The following TMEM245 variants were observed in gnomAD, a reference collection of about 807,000 sequenced individuals.
TMEM245 encodes protein CG-2.
A neutral mutation model predicts 101.2 loss-of-function variants in TMEM245; 69 were observed. The observed-to-expected ratio is 0.68, with a 90% CI of 0.56 to 0.83. The LOEUF (loss-of-function observed/expected upper bound fraction) is 0.83. Among genes scored for constraint, TMEM245 ranks in the 40% least tolerant of loss-of-function variants. TMEM245 has a pLI of 0.00. For synonymous variants in TMEM245, 537 were observed against 449.8 expected (o/e 1.19, Z -2.45); for missense variants, 1,075 against 1,092.8 (o/e 0.98, Z 0.23).
At chr9:109,051,295 AAC>A (rs67093439) in intron 12 of TMEM245, among the ~76,000 whole-genome samples, 37,214 of 134,928 alleles carry the variant, frequency 0.28, 5,307 homozygotes, top group Admixed American at 0.34. Context: ...TCTGTCTCAA[AAC>A]ACACACACAC....
At chr9:109,093,330 A>G in intron 4 of TMEM245, 145 bp downstream of exon 4, 1 of 649,916 alleles carries the variant, frequency 1.5e-6, no homozygotes, top group Non-Finnish European at 2.7e-6. Flanking sequence ...GAGAGGGAAA[A>G]GGGCATAAAA....
intron 12 of TMEM245, 75 bp downstream of exon 12, chr9:109,057,116 G>T: frequency 6.6e-7 from 1 of 1,519,490 alleles, no homozygotes; most frequent in Non-Finnish European, 9.0e-7. Flanking sequence ...AGGCCTCAAA[G>T]TGTATGAAGA....
chr9:109,043,959 A>G (rs1828396152), intron 14 of TMEM245, among the ~76,000 whole-genome samples: 1 of 152,092 alleles, frequency 6.6e-6, no homozygotes, highest in African/African-American at 2.4e-5. Flanking sequence ...AATAAAGCCT[A>G]CTGTATATTT....
At chr9:109,080,818 A>G (rs1343093998) in intron 8 of TMEM245, 21 bp downstream of exon 8, 4 of 1,392,584 alleles carry the variant, frequency 2.9e-6, no homozygotes, top group Non-Finnish European at 4.0e-6. Flanking sequence ...ATTAATGAGA[A>G]TAATAATCAC....
chr9:109,030,951 A>G (rs775809460), intron 17 of TMEM245, among the ~76,000 whole-genome samples: 16 of 152,246 alleles, frequency 1.1e-4, no homozygotes, highest in Non-Finnish European at 2.2e-4. Flanking sequence ...TTTTCATTAA[A>G]TGCATTGTCA....
intron 14 of TMEM245, among the ~76,000 whole-genome samples, chr9:109,047,222 T>C (rs915874571): frequency 6.6e-6 from 1 of 152,194 alleles, no homozygotes; most frequent in Non-Finnish European, 1.5e-5. Context: ...ATAAAACAAA[T>C]GGTTTTTAAA....
chr9:109,066,774 G>C lies in TMEM245; in HGVS notation c.1533-2207C>G, dbSNP rs1337664595. On this transcript the variant is annotated intron_variant, in intron 9 of 17. Coordinates refer to ENST00000374586, the MANE Select transcript of TMEM245 (RefSeq NM_032012.4). ...AGTGTTATTCAAAAGTGTGAAGATG[G>C]GCAGGGCATGGTGGCTCACGCCTGT... 2.2e-4 allele frequency among the ~76,000 whole-genome samples: 33 copies of C among 151,644 alleles called. 1 individual carries two copies. The highest frequency in any genetic ancestry group is 2.2e-3 in the Admixed American group (33 of 15,234).
At chr9:109,099,286 G>T (rs895800894) in intron 3 of TMEM245, among the ~76,000 whole-genome samples, 1 of 152,170 alleles carries the variant, frequency 6.6e-6, no homozygotes, top group Admixed American at 6.5e-5. Context: ...GGGACTGGGA[G>T]GGGAGCAGTA....
At position 109,060,441 on chromosome 9, in the gene TMEM245, A is replaced by G. The variant is rs1344988657; in HGVS notation, c.1635T>C (p.Ile545=). The G allele has an allele frequency of 6.2e-7, 1 of 1,611,564 alleles. No individual in the cohort carries two copies. Among genetic ancestry groups the G allele is most frequent in the Admixed American group, 1.7e-5 (1 of 59,682 alleles). ...REWITHKLHK[I]LGDKVNNTAV... ...CAGTATTGTTCACCTTATCTCCTAG[A>G]ATTTTATGGAGCTAGAAAAAAACAC... The change falls in exon 11 of 18, where the codon ATT becomes ATC. Residue 545 remains isoleucine (I), a synonymous_variant. Coordinates refer to ENST00000374586, the MANE Select transcript of TMEM245 (RefSeq NM_032012.4).
chr9:109,099,407 T>C (rs1005319012), intron 3 of TMEM245, among the ~76,000 whole-genome samples: 14 of 152,212 alleles, frequency 9.2e-5, no homozygotes, highest in Non-Finnish European at 1.8e-4. Flanking sequence ...GATTCATCTC[T>C]GCAAAGACAT....
At chr9:109,032,048 TAC>T (rs1416370341) in intron 17 of TMEM245, among the ~76,000 whole-genome samples, 9 of 152,304 alleles carry the variant, frequency 5.9e-5, no homozygotes, top group Middle Eastern at 6.8e-3. Flanking sequence ...AACATTTTGC[TAC>T]AGTCACTTCC....
chr9:109,058,709 C>T (rs1055465786), intron 11 of TMEM245, among the ~76,000 whole-genome samples: 7 of 151,972 alleles, frequency 4.6e-5, no homozygotes, highest in Non-Finnish European at 7.4e-5. Flanking sequence ...AATTCCTGAG[C>T]TTCAGTGATC....
At chr9:109,056,440 CAAAAAAAA>C (rs753175633) in intron 12 of TMEM245, among the ~76,000 whole-genome samples, 4 of 36,768 alleles carry the variant, frequency 1.1e-4, no homozygotes, top group African/African-American at 2.6e-4. Context: ...ACTAAAAATG[CAAAAAAAA>C]AAAAAAAAAA....
intron 10 of TMEM245, among the ~76,000 whole-genome samples, chr9:109,062,788 T>G (rs866484632): frequency 8.5e-5 from 13 of 152,060 alleles, no homozygotes; most frequent in Admixed American, 2.0e-4. Flanking sequence ...CTGGGCAACA[T>G]GGTGAAACCA....
chr9:109,075,606 C>A (rs1262550839), intron 8 of TMEM245, among the ~76,000 whole-genome samples: 2 of 152,208 alleles, frequency 1.3e-5, no homozygotes, highest in Admixed American at 6.5e-5. Flanking sequence ...CAAGGAATTT[C>A]TCCATTTAAT....
chr9:109,048,172 T>A (rs78568796), intron 14 of TMEM245, among the ~76,000 whole-genome samples: 142 of 152,306 alleles, frequency 9.3e-4, no homozygotes, highest in Middle Eastern at 3.4e-3. Context: ...GAGGACACTA[T>A]ACAGGTGTTA....
chr9:109,053,251 T>C (rs938547249), intron 12 of TMEM245, among the ~76,000 whole-genome samples: 9 of 151,976 alleles, frequency 5.9e-5, no homozygotes, highest in Admixed American at 3.3e-4. Context: ...CATGGTGAAA[T>C]CCCATGTCTA....
chr9:109,105,010 T>C (rs12683988), intron 3 of TMEM245, among the ~76,000 whole-genome samples: 33,614 of 152,104 alleles, frequency 0.22, 4,524 homozygotes, highest in Admixed American at 0.3. Flanking sequence ...GTAGATAAAC[T>C]GGACTTCATC....
intron 1 of TMEM245, among the ~76,000 whole-genome samples, chr9:109,118,403 T>C (rs1000585582): frequency 6.6e-6 from 1 of 152,258 alleles, no homozygotes; most frequent in African/African-American, 2.4e-5. Context: ...TGGTACTGTT[T>C]ATGAATCAAT....
Sources: gnomAD v4.1 joint callset for allele counts (sites outside exome capture counted in the v4.1 genomes callset) on GRCh38, gnomAD v4.1.1 for gene constraint, MANE v1.5 for transcripts, NCBI Gene and HGNC (gene_info 2026-07-23, HGNC 2026-07-21) for gene names.